PCDHA1: variants seen among roughly 807,000 people sequenced by gnomAD.
The protein encoded by PCDHA1 is protocadherin alpha 1.
A neutral mutation model predicts 61.3 loss-of-function variants in PCDHA1; 42 were observed. That is an observed-to-expected ratio of 0.69 (90% CI 0.54 to 0.89). PCDHA1 has a LOEUF of 0.89. PCDHA1 is among the 40% of genes least tolerant of loss of function. The pLI is 0.00. For synonymous variants in PCDHA1, 610 were observed against 553.8 expected (o/e 1.10, Z -1.43); for missense variants, 1,256 against 1,235.3 (o/e 1.02, Z -0.25).
Position 140,842,704 on chromosome 5 carries a change from G to T in PCDHA1, c.2394+54020G>T, listed in dbSNP as rs151170990. 1.9e-4 allele frequency: 301 copies of T among 1,595,236 alleles called. 23 individuals are homozygous for T. In the African/African-American group the frequency reaches 3.7e-3, roughly 20 times the overall value. On this transcript the variant is annotated intron_variant, in intron 1 of 3. Transcript: ENST00000504120. ...CGGCGTTCGCGCAGCCCGAGTACAC[G>T]GTGTTCGTGAAGGAGAACAACCCGC...
At chr5:140,885,012 G>A (rs73793512) in intron 1 of PCDHA1, among the ~76,000 whole-genome samples, 2,131 of 152,234 alleles carry the variant, frequency 0.014, 45 homozygotes, top group African/African-American at 0.049. Flanking sequence ...GAGGCTAATC[G>A]TAATCTTAAA....
At chr5:140,965,239 G>C (rs7722865) in intron 1 of PCDHA1, among the ~76,000 whole-genome samples, 9,112 of 152,230 alleles carry the variant, frequency 0.06, 825 homozygotes, top group African/African-American at 0.2. Context: ...CCTGGGAAGA[G>C]TGAATATTCA....
intron 1 of PCDHA1, among the ~76,000 whole-genome samples, chr5:140,976,335 G>T (rs1554237529): frequency 6.6e-6 from 1 of 152,140 alleles, no homozygotes; most frequent in East Asian, 1.9e-4. Flanking sequence ...TGGATTGCCT[G>T]AGGTCAGGTG....
chr5:140,940,208 A>C (rs1193106137), intron 1 of PCDHA1, among the ~76,000 whole-genome samples: 1 of 152,164 alleles, frequency 6.6e-6, no homozygotes, highest in Non-Finnish European at 1.5e-5. Context: ...AAAATTCAAG[A>C]TTGGCATTTA....
chr5:140,941,285 T>C (rs1563188656), intron 1 of PCDHA1, among the ~76,000 whole-genome samples: 1 of 119,964 alleles, frequency 8.3e-6, no homozygotes, highest in African/African-American at 2.9e-5. Flanking sequence ...TTCCTTCCTT[T>C]CTCTTTCTTT....
intron 1 of PCDHA1, among the ~76,000 whole-genome samples, chr5:140,933,263 A>G (rs1374246908): frequency 6.6e-6 from 1 of 151,986 alleles, no homozygotes; most frequent in Non-Finnish European, 1.5e-5. Context: ...AAAGGTTATT[A>G]TATATTCATT....
At chr5:140,848,698 CCAAAGG>C (rs2040558195) in intron 1 of PCDHA1, 1 of 1,592,180 alleles carries the variant, frequency 6.3e-7, no homozygotes, top group African/African-American at 1.3e-5. Context: ...CAGTTGGATT[CCAAAGG>C]CCGCGGGGAC....
chr5:140,839,557 T>A (rs1776285621), intron 1 of PCDHA1, among the ~76,000 whole-genome samples: 1 of 151,956 alleles, frequency 6.6e-6, no homozygotes, highest in Non-Finnish European at 1.5e-5. Context: ...GCCCAACTAA[T>A]TTTTGTATTT....
At chr5:140,810,582 T>C (rs1412871983) in intron 1 of PCDHA1, 2 of 152,238 alleles carry the variant, frequency 1.3e-5, no homozygotes, top group African/African-American at 4.8e-5. Flanking sequence ...GTTGAGTACC[T>C]TTCTATTTTA....
intron 1 of PCDHA1, chr5:140,968,548 G>T: frequency 6.2e-7 from 1 of 1,614,174 alleles, no homozygotes; most frequent in Non-Finnish European, 8.5e-7. Context: ...TCGAGATGGT[G>T]CCTCGAACTG....
At chr5:140,802,297 C>G (rs1554122006) in intron 1 of PCDHA1, 2 of 1,614,152 alleles carry the variant, frequency 1.2e-6, no homozygotes, top group African/African-American at 1.3e-5. Flanking sequence ...CCACTTAGCA[C>G]AGTCATCGCT....
rs782736508 is a variant in PCDHA1 at position 140,857,757 on chromosome 5, G to A, written c.2394+69073G>A. ...CCCGCGCTGCTGGCGTCTCCCGCTGGCAGCGCGGGCGGTGCAGTCAGTGAG... is the reference window on the plus strand; with the variant it reads ...CCCGCGCTGCTGGCGTCTCCCGCTGACAGCGCGGGCGGTGCAGTCAGTGAG... On this transcript the variant is annotated intron_variant, in intron 1 of 3. Coordinates refer to ENST00000504120, the MANE Select transcript of PCDHA1 (RefSeq NM_018900.4). 1.2e-5 allele frequency: 19 copies of A among 1,597,402 alleles called. No individual in the cohort carries two copies. In the East Asian group the frequency reaches 4.0e-4, roughly 34 times the overall value.
chr5:140,967,748 G>T, intron 1 of PCDHA1: 1 of 1,614,204 alleles, frequency 6.2e-7, no homozygotes, highest in Non-Finnish European at 8.5e-7. Context: ...TTATGAGGAA[G>T]CCTCCTCCTA....
At chr5:140,834,144 T>G (rs2150213774) in intron 1 of PCDHA1, 1 of 515,130 alleles carries the variant, frequency 1.9e-6, no homozygotes, top group South Asian at 3.2e-5. Context: ...ATTAATAGTT[T>G]GTAATGGTTT....
At chr5:140,882,621 A>T (rs374336585) in intron 1 of PCDHA1, 1 of 1,614,094 alleles carries the variant, frequency 6.2e-7, no homozygotes, top group African/African-American at 1.3e-5. Context: ...CAGGTTTTCC[A>T]TGTGGAGGTG....
chr5:140,887,456 A>G (rs1291884808), intron 1 of PCDHA1, among the ~76,000 whole-genome samples: 1 of 152,138 alleles, frequency 6.6e-6, no homozygotes, highest in Non-Finnish European at 1.5e-5. Flanking sequence ...CAGTTTTTTA[A>G]AAGATATAAT....
intron 1 of PCDHA1, among the ~76,000 whole-genome samples, chr5:140,962,255 A>G (rs991096495): frequency 2.0e-5 from 3 of 152,204 alleles, no homozygotes; most frequent in African/African-American, 7.2e-5. Flanking sequence ...TCAATGAAAA[A>G]TAATTTTATA....
In PCDHA1 at chr5:140,868,996, G is replaced by A. The variant is rs2050789342; in HGVS notation, c.2394+80312G>A. ...CATCATACCGGATGCCACCGTTTAA[G>A]GATCCTTTGAAACTTCTTAAGAATT... is the stretch of plus-strand genomic sequence containing the variant. On this transcript the variant is annotated intron_variant, in intron 1 of 3. Transcript: ENST00000504120. The A allele has an allele frequency of 2.6e-6, 4 of 1,516,490 alleles. No individual in the cohort carries two copies. The African/African-American group carries it at 4.2e-5, about 16-fold the overall frequency. 93.9% of individuals were successfully genotyped at this position (1,516,490 alleles called of 1,614,324 possible).
At chr5:140,966,490 T>G (rs533525977) in intron 1 of PCDHA1, 2 of 437,964 alleles carry the variant, frequency 4.6e-6, no homozygotes, top group Non-Finnish European at 7.9e-6. Flanking sequence ...TCCCTCCCCC[T>G]GGAGCTGTAG....
Sources: gnomAD v4.1 joint callset for allele counts (sites outside exome capture counted in the v4.1 genomes callset) on GRCh38, gnomAD v4.1.1 for gene constraint, MANE v1.5 for transcripts, NCBI Gene and HGNC (gene_info 2026-07-23, HGNC 2026-07-21) for gene names.